Variants in F13A1 observed in about 807,000 individuals in gnomAD.
The protein encoded by F13A1 is coagulation factor XIII A chain.
F13A1 carries 47 observed loss-of-function variants against 80.1 expected under a neutral mutation model. The ratio of observed to expected loss-of-function variants is 0.59; its 90% confidence interval spans 0.46 to 0.75. The LOEUF is 0.75. F13A1 is among the 30% of genes least tolerant of loss of function. The pLI, the probability that F13A1 is intolerant of heterozygous loss-of-function variation, is 0.00. For missense variants in F13A1, 817 were observed against 930.4 expected (o/e 0.88, Z 1.59); for synonymous variants, 349 against 344.9 (o/e 1.01, Z -0.13).
At chr6:6,182,177 C>A in intron 10 of F13A1, 36 bp from the exon 11 acceptor site, 1 of 1,612,506 alleles carries the variant, frequency 6.2e-7, no homozygotes, top group Non-Finnish European at 8.5e-7. Context: ...GCCATCATCA[C>A]ATGTCTGCTG....
At chr6:6,296,270 C>T (rs532783214) in intron 3 of F13A1, among the ~76,000 whole-genome samples, 3 of 151,648 alleles carry the variant, frequency 2.0e-5, no homozygotes, top group African/African-American at 7.3e-5. Context: ...TAGTTTTTTC[C>T]AATTCTGTGA....
At chr6:6,223,101 A>G (rs2113060450) in intron 7 of F13A1, among the ~76,000 whole-genome samples, 1 of 152,326 alleles carries the variant, frequency 6.6e-6, no homozygotes, top group Middle Eastern at 3.4e-3. Context: ...GACTTGGTCA[A>G]GACTCTGCCT....
intron 6 of F13A1, among the ~76,000 whole-genome samples, chr6:6,225,497 C>CTT (rs1227729155): frequency 6.7e-6 from 1 of 150,276 alleles, no homozygotes; most frequent in Admixed American, 6.6e-5. Context: ...TTTTTCTTTT[C>CTT]TTTTCTCTCT....
Position 6,145,442 on chromosome 6 carries a change from G to T in F13A1, c.*177C>A. ...TAAAAACTAACTTCCTTGCCGAATA[G>T]CCTGGGTTTGGAAAAGCATGTTTTT... On this transcript the variant is annotated 3_prime_UTR_variant, in exon 15 of 15. Transcript: ENST00000264870. 1.3e-6 allele frequency: 1 copy of T among 758,054 alleles called. No homozygotes were observed. Among genetic ancestry groups the T allele is most frequent in the Non-Finnish European group, 2.2e-6 (1 of 445,166 alleles). The allele number at this position is 758,054 out of a possible 1,614,324, so 47.0% of individuals were successfully genotyped here. A position where few individuals can be genotyped will look rare whatever the true frequency, so the allele number is the denominator to read the frequency against.
chr6:6,237,655 C>T (rs1465065142), intron 6 of F13A1, among the ~76,000 whole-genome samples: 3 of 152,162 alleles, frequency 2.0e-5, no homozygotes, highest in Non-Finnish European at 2.9e-5. Context: ...TTTGGATGTC[C>T]TTACTCTTTG....
At chr6:6,187,940 G>T (rs1038309837) in intron 10 of F13A1, among the ~76,000 whole-genome samples, 8 of 147,822 alleles carry the variant, frequency 5.4e-5, no homozygotes, top group African/African-American at 2.0e-4. Context: ...CTTCTTCCTG[G>T]TTTAGTCTTG....
At chr6:6,291,755 G>A (rs1758226920) in intron 3 of F13A1, among the ~76,000 whole-genome samples, 1 of 152,152 alleles carries the variant, frequency 6.6e-6, no homozygotes, top group Non-Finnish European at 1.5e-5. Flanking sequence ...CTTAGAAGTT[G>A]TTTTCCCCAG....
At chr6:6,172,260 G>A (rs538473779) in intron 12 of F13A1, among the ~76,000 whole-genome samples, 4 of 150,532 alleles carry the variant, frequency 2.7e-5, no homozygotes, top group Admixed American at 6.6e-5. Context: ...CACAGTCATC[G>A]CTTACATCCA....
At chr6:6,264,195 C>T (rs1757814026) in intron 4 of F13A1, among the ~76,000 whole-genome samples, 1 of 152,182 alleles carries the variant, frequency 6.6e-6, no homozygotes, top group Non-Finnish European at 1.5e-5. Flanking sequence ...ACTTAACTAA[C>T]CCTTTTCCCG....
At chr6:6,192,387 T>C (rs1244395230) in intron 10 of F13A1, among the ~76,000 whole-genome samples, 1 of 152,068 alleles carries the variant, frequency 6.6e-6, no homozygotes, top group African/African-American at 2.4e-5. Context: ...TTTATGGAGC[T>C]CAGTGTTGTA....
At chr6:6,287,843 A>T (rs554340116) in intron 3 of F13A1, among the ~76,000 whole-genome samples, 1 of 152,198 alleles carries the variant, frequency 6.6e-6, no homozygotes, top group Admixed American at 6.5e-5. Flanking sequence ...CAGAGCCCCT[A>T]TGTGACTAAT....
chr6:6,305,914 C>A (rs1475436137), intron 2 of F13A1, among the ~76,000 whole-genome samples: 1 of 152,174 alleles, frequency 6.6e-6, no homozygotes, highest in Non-Finnish European at 1.5e-5. Context: ...ATGTCACTGC[C>A]TCACTCTGTG....
intron 3 of F13A1, among the ~76,000 whole-genome samples, chr6:6,273,842 T>A (rs2113133043): frequency 6.6e-6 from 1 of 152,232 alleles, no homozygotes; most frequent in South Asian, 2.1e-4. Flanking sequence ...CAAGTGGGAA[T>A]AAGTCACCAA....
intron 3 of F13A1, among the ~76,000 whole-genome samples, chr6:6,284,295 TGAAATGATG>T (rs1409384051): frequency 6.6e-6 from 1 of 152,220 alleles, no homozygotes; most frequent in Non-Finnish European, 1.5e-5. Context: ...TAGAAAAGGT[TGAAATGATG>T]GAAATGATGG....
intron 11 of F13A1, among the ~76,000 whole-genome samples, chr6:6,178,106 T>C (rs547562266): frequency 6.6e-6 from 1 of 151,322 alleles, no homozygotes; most frequent in Admixed American, 6.6e-5. Context: ...ATTTCAGATA[T>C]TACTTTGGCA....
chr6:6,230,485 A>C (rs1307121913), intron 6 of F13A1, among the ~76,000 whole-genome samples: 1 of 152,064 alleles, frequency 6.6e-6, no homozygotes, highest in African/African-American at 2.4e-5. Flanking sequence ...CCCAGCCCCC[A>C]GTTGATGGTC....
intron 1 of F13A1, 117 bp downstream of exon 1, chr6:6,320,470 C>G (rs1758759892): frequency 3.0e-6 from 1 of 332,416 alleles, no homozygotes; most frequent in Non-Finnish European, 6.2e-6. Flanking sequence ...GTGGAGCTGC[C>G]TGTGACCGGC....
In F13A1 at chr6:6,278,663, A is replaced by G. The variant is rs143956823; in HGVS notation, c.320-11854T>C. 8.3e-4 allele frequency among the ~76,000 whole-genome samples: 126 copies of G among 151,750 alleles called. 1 individual carries two copies. The highest frequency in any genetic ancestry group is 2.8e-3 in the African/African-American group (116 of 41,388). The stretch of plus-strand genomic sequence containing the variant: ...GAGATGAGGTGCCTGAACAGAGGGA[A>G]TTGGGGGAGATTAGACGCCTGGAGC... On this transcript the variant is annotated intron_variant, in intron 3 of 14. Coordinates refer to ENST00000264870, the MANE Select transcript of F13A1 (RefSeq NM_000129.4).
chr6:6,275,792 G>A (rs1757980668), intron 3 of F13A1, among the ~76,000 whole-genome samples: 1 of 152,212 alleles, frequency 6.6e-6, no homozygotes, highest in Non-Finnish European at 1.5e-5. Flanking sequence ...TGCTCCAAAA[G>A]TTAGGACCTG....
Sources: gnomAD v4.1 joint callset for allele counts (sites outside exome capture counted in the v4.1 genomes callset) on GRCh38, gnomAD v4.1.1 for gene constraint, MANE v1.5 for transcripts, NCBI Gene and HGNC (gene_info 2026-07-23, HGNC 2026-07-21) for gene names.